The following NBPF19 variants were observed in gnomAD, a reference collection of about 807,000 sequenced individuals.
NBPF19 encodes the protein NBPF family member NBPF19.
In NBPF19, 30 loss-of-function variants were observed where a neutral mutation model predicts 45.9. The observed-to-expected ratio is 0.65, with a 90% CI of 0.49 to 0.89. The LOEUF (loss-of-function observed/expected upper bound fraction) is 0.89. Among genes scored for constraint, NBPF19 ranks in the 40% least tolerant of loss-of-function variants. The pLI, the probability that NBPF19 is intolerant of heterozygous loss-of-function variation, is 0.00. For synonymous variants in NBPF19, 183 were observed against 181.2 expected, an observed-to-expected ratio of 1.01 and a Z score of -0.08; for missense variants, 495 against 471.8, an observed-to-expected ratio of 1.05 and a Z score of -0.46.
At position 149,555,704 on chromosome 1, in the gene NBPF19, T is replaced by C. The variant is rs2087234988; in HGVS notation, c.*966T>C. ...AAATATTTCCTCATCTTTTTGTTGT[T>C]GTCATGGATGGTGGTGACATGGACT... On this transcript the variant is annotated 3_prime_UTR_variant, in exon 94 of 94. Coordinates refer to ENST00000651566, the MANE Select transcript of NBPF19 (RefSeq NM_001351365.2). 6.6e-6 allele frequency: 1 copy of C among 151,114 alleles called. No homozygotes were observed. Among genetic ancestry groups the C allele is most frequent in the South Asian group, 2.1e-4 (1 of 4,770 alleles). 9.4% of individuals were successfully genotyped at this position (151,114 alleles called of 1,614,324 possible). A position where few individuals can be genotyped will look rare whatever the true frequency, so the allele number is the denominator to read the frequency against.
rs2087232891 is a variant in NBPF19 at position 149,555,646 on chromosome 1, TG to T, written c.*909del. ...GGGTTCAAAAAAAGTAAAAAGATAA[TG>T]TAGCTGCATTTCTTTAGTTATTTTG... On this transcript the variant is annotated 3_prime_UTR_variant, in exon 94 of 94. Coordinates refer to ENST00000651566, the MANE Select transcript of NBPF19 (RefSeq NM_001351365.2). 1 of 149,876 alleles carries T rather than the reference TG, an allele frequency of 6.7e-6. No homozygotes were observed. The highest frequency in any genetic ancestry group is 1.5e-5 in the Non-Finnish European group (1 of 67,114). 9.3% of individuals were successfully genotyped at this position (149,876 alleles called of 1,614,324 possible).
At chr1:149,479,561 T>TA (rs2085047443) in intron 4 of NBPF19, among the ~76,000 whole-genome samples, 2 of 148,326 alleles carry the variant, frequency 1.3e-5, no homozygotes, top group Admixed American at 6.7e-5. Flanking sequence ...TGGGAACACT[T>TA]ACGAATGCTT....
intron 8 of NBPF19, 146 bp from the exon 9 acceptor site, chr1:149,487,186 C>T: frequency 1.3e-6 from 1 of 773,926 alleles, no homozygotes; most frequent in East Asian, 2.4e-5. Context: ...CAAGACTTGA[C>T]CTCAGGCCTA....
chr1:149,516,272 TC>T (rs2086479596), intron 45 of NBPF19, among the ~76,000 whole-genome samples: 1 of 78,010 alleles, frequency 1.3e-5, no homozygotes, highest in Non-Finnish European at 2.7e-5. Flanking sequence ...GTCCTTTTAC[TC>T]CCTTACCAGT....
chr1:149,482,564 T>C lies in NBPF19; in HGVS notation c.824+338T>C, dbSNP rs1255944819. Among the ~76,000 whole-genome samples the C allele has an allele frequency of 1.2e-4, 18 of 152,212 alleles. No homozygotes were observed. In the South Asian group the frequency reaches 3.7e-3, roughly 32 times the overall value. On this transcript the variant is annotated intron_variant, in intron 7 of 93. Coordinates refer to ENST00000651566, the MANE Select transcript of NBPF19 (RefSeq NM_001351365.2). Reference sequence around the variant, plus strand: ...GTTCTGCTCTGATCTTAGTTACTTCTTGTCTTCTGCTAGCTTTTGAATTTG... The same window carrying C: ...GTTCTGCTCTGATCTTAGTTACTTCCTGTCTTCTGCTAGCTTTTGAATTTG...
chr1:149,494,334 C>G lies in NBPF19; in HGVS notation c.2014C>G (p.Leu672Val), dbSNP rs2086005517. The stretch of plus-strand genomic sequence containing the variant: ...CTTTTCCAGGCTCAGCAGGGAGCTG[C>G]TGGATGAGAAAGAGCCTGAAGTCTT... ...PSCPRLSRELLDEKEPEVLQD... is the reference protein window; with the variant it reads ...PSCPRLSRELVDEKEPEVLQD... Residue 672 changes from leucine (L) to valine (V), a missense_variant, in exon 18 of 94, where the codon CTG (leucine) becomes GTG (valine). Leu to Val is a conservative substitution (Grantham distance 32, BLOSUM62 1). Around this residue, in one of 8 missense-constraint regions of NBPF19, gnomAD observed 11 missense variants for 40.4 expected, o/e 0.27. Transcript: ENST00000651566. 3.2e-6 allele frequency: 1 copy of G among 309,938 alleles called. No individual in the cohort carries two copies. Among genetic ancestry groups the G allele is most frequent in the Admixed American group, 6.6e-5 (1 of 15,128 alleles). The allele number at this position is 309,938 out of a possible 1,614,324, so 19.2% of individuals were successfully genotyped here. A position where few individuals can be genotyped will look rare whatever the true frequency, so the allele number is the denominator to read the frequency against.
chr1:149,554,759 A>G lies in NBPF19; in HGVS notation c.*21A>G, dbSNP rs2087205190. 6.2e-7 allele frequency: 1 copy of G among 1,607,780 alleles called. No homozygotes were observed. The highest frequency in any genetic ancestry group is 1.1e-5 in the South Asian group (1 of 90,868). On this transcript the variant is annotated 3_prime_UTR_variant, in exon 94 of 94. Transcript: ENST00000651566. ...AATAGGCAGCCCTTACTAAGCCGAG[A>G]GATGTCATTCCTGCAGGCAGGACCT...
At chr1:149,521,128 G>C (rs1216642094) in intron 51 of NBPF19, among the ~76,000 whole-genome samples, 191 bp from the exon 52 acceptor site, 1 of 82,202 alleles carries the variant, frequency 1.2e-5, no homozygotes, top group Admixed American at 1.3e-4. Context: ...CTCTCTCTCT[G>C]TCTTTCTCTT....
At chr1:149,554,318 T>A (rs1182941049) in intron 93 of NBPF19, among the ~76,000 whole-genome samples, 177 bp from the exon 94 acceptor site, 1 of 151,968 alleles carries the variant, frequency 6.6e-6, no homozygotes, top group Non-Finnish European at 1.5e-5. Context: ...TTTCATTGTT[T>A]TCTACCTGGC....
chr1:149,495,680 CGTGTGT>C (rs1220744895), intron 19 of NBPF19, among the ~76,000 whole-genome samples: 1 of 35,008 alleles, frequency 2.9e-5, no homozygotes, highest in East Asian at 8.5e-4. Context: ...TGTGTGTGTG[CGTGTGT>C]GTGTGTGTGT....
intron 10 of NBPF19, among the ~76,000 whole-genome samples, chr1:149,488,431 T>C (rs1256935414): frequency 6.4e-5 from 9 of 139,920 alleles, no homozygotes; most frequent in South Asian, 5.1e-4. Flanking sequence ...TCTCATGACG[T>C]TGGACCTGGG....
rs1175337261 is a variant in NBPF19, at chr1:149,477,982, G to A, written c.213G>A (p.Leu71=). 9.4e-6 allele frequency: 14 copies of A among 1,488,322 alleles called. No individual in the cohort carries two copies. In the Admixed American group the frequency reaches 1.3e-4, roughly 14 times the overall value. The allele number at this position is 1,488,322 out of a possible 1,614,324, so 92.2% of individuals were successfully genotyped here. ...EECKDLIKFM[L]RNERQFKEEK... ...GTAAAGACCTCATAAAATTTATGCT[G>A]AGGAATGAGCGACAGTTCAAGGAGG... The change falls in exon 3 of 94, where the codon CTG becomes CTA. Residue 71 remains leucine, a synonymous_variant. Transcript: ENST00000651566.
chr1:149,554,426 G>T, intron 93 of NBPF19, 69 bp from the exon 94 acceptor site: 1 of 1,607,066 alleles, frequency 6.2e-7, no homozygotes, highest in Non-Finnish European at 8.5e-7. Flanking sequence ...TGTGACTTCT[G>T]AAATCTAGTG....
rs1294508774 is a variant in NBPF19, at chr1:149,554,483, C to G, written c.11289-12C>G. On this transcript the variant is annotated splice_polypyrimidine_tract_variant and intron_variant, in intron 93 of 93. Coordinates refer to ENST00000651566, the MANE Select transcript of NBPF19 (RefSeq NM_001351365.2). The stretch of plus-strand genomic sequence containing the variant: ...TCCCTGGCTGCTTCTTTAGTTTTGT[C>G]TCCTTTTCCAGGCTCAACAGCGTGC... The G allele has an allele frequency of 3.9e-5, 62 of 1,607,936 alleles. No individual in the cohort carries two copies. The African/African-American group carries it at 5.8e-4, about 15-fold the overall frequency.
rs1193825987 is a variant in NBPF19, at chr1:149,487,400, G to A, written c.1040+17G>A. On this transcript the variant is annotated intron_variant, in intron 9 of 93. Coordinates refer to ENST00000651566, the MANE Select transcript of NBPF19 (RefSeq NM_001351365.2). ...AGGTCCCAGGTGAGTCTGAGAAATTGTGGACAGTTAATTTGATGTTGACAC... is the reference window on the plus strand; with the variant it reads ...AGGTCCCAGGTGAGTCTGAGAAATTATGGACAGTTAATTTGATGTTGACAC... The A allele has an allele frequency of 4.3e-6, 6 of 1,398,518 alleles. 1 individual carries two copies. Among genetic ancestry groups the A allele is most frequent in the Admixed American group, 3.4e-5 (2 of 59,636 alleles). The allele number at this position is 1,398,518 out of a possible 1,614,324, so 86.6% of individuals were successfully genotyped here.
intron 3 of NBPF19, among the ~76,000 whole-genome samples, chr1:149,478,405 C>T (rs1462738995): frequency 3.3e-5 from 5 of 151,244 alleles, no homozygotes; most frequent in African/African-American, 9.7e-5. Context: ...TGACTGACTG[C>T]GTCTTCTCAT....
In NBPF19 at chr1:149,487,349, G is replaced by C. The variant is rs1358705058; in HGVS notation, c.1006G>C (p.Val336Leu). The change falls in exon 9 of 94, where the codon GTG becomes CTG. Residue 336 changes from valine to leucine, a missense_variant. Val to Leu is a conservative substitution (Grantham distance 32). Around this residue, in one of 8 missense-constraint regions of NBPF19, gnomAD observed 146 missense variants for 67.3 expected, o/e 2.17. Coordinates refer to ENST00000651566, the MANE Select transcript of NBPF19 (RefSeq NM_001351365.2). Reference sequence around the variant, plus strand: ...ATTTGCAGGACATCGCTGGGATCAAGTGAAAAAGGAGGACCAAGAGGCAAC... The same window carrying C: ...ATTTGCAGGACATCGCTGGGATCAACTGAAAAAGGAGGACCAAGAGGCAAC... ...VDIGRHRWDQ[V>L]KKEDQEATGP... is the part of the protein sequence containing the mutation. 35 of 1,565,854 alleles carry C rather than the reference G, an allele frequency of 2.2e-5. No homozygotes were observed. Among genetic ancestry groups the C allele is most frequent in the African/African-American group, 8.1e-5 (6 of 73,820 alleles).
intron 10 of NBPF19, among the ~76,000 whole-genome samples, chr1:149,488,432 T>C (rs2085763374): frequency 7.1e-6 from 1 of 139,864 alleles, no homozygotes; most frequent in Admixed American, 7.4e-5. Flanking sequence ...CTCATGACGT[T>C]GGACCTGGGC....
In NBPF19 at chr1:149,478,863, C is replaced by T. The variant is rs2085006712; in HGVS notation, c.279-17C>T. ...AACCCTTTCTACTCTTAAATTTTCT[C>T]TACCGTCTCACCTTAGGCAATATAA... is the stretch of plus-strand genomic sequence containing the variant. On this transcript the variant is annotated splice_polypyrimidine_tract_variant and intron_variant, in intron 3 of 93. Coordinates refer to ENST00000651566, the MANE Select transcript of NBPF19 (RefSeq NM_001351365.2). 1.3e-6 allele frequency: 2 copies of T among 1,588,586 alleles called. No homozygotes were observed. The highest frequency in any genetic ancestry group is 1.7e-5 in the Admixed American group (1 of 59,750).
Sources: allele counts gnomAD v4.1 joint callset (sites outside exome capture counted in the v4.1 genomes callset), GRCh38; gene constraint gnomAD v4.1.1; regional missense constraint gnomAD v4.1.1; transcripts MANE v1.5; gene names NCBI Gene and HGNC (gene_info 2026-07-23, HGNC 2026-07-21).